Variants in PTCHD1 observed in about 807,000 individuals in gnomAD.
PTCHD1 encodes the protein patched domain containing 1.
A neutral mutation model predicts 34.6 loss-of-function variants in PTCHD1; 3 were observed. The observed-to-expected ratio is 0.09, with a 90% confidence interval of 0.04 to 0.22. The LOEUF is 0.22. Ranked by LOEUF, PTCHD1 falls within the 10% of genes least tolerant of loss-of-function variation. The probability of loss-of-function intolerance (pLI) is 1.00; values close to 1 mark genes in which losing one functional copy is unlikely to be tolerated. For synonymous variants in PTCHD1, 305 were observed against 283.1 expected (o/e 1.08, Z -0.77); for missense variants, 504 against 685.5 (o/e 0.74, Z 2.96).
chrX:23,385,052 T>A (rs1922652280), intron 2 of PTCHD1, among the ~76,000 whole-genome samples: 1 of 112,279 alleles, frequency 8.9e-6, no homozygotes, highest in African/African-American at 3.2e-5. Flanking sequence ...TTATGAGGGT[T>A]TTGTTGTTCA....
intron 1 of PTCHD1, among the ~76,000 whole-genome samples, chrX:23,343,642 T>A (rs1431854914): frequency 9.0e-6 from 1 of 111,392 alleles, no homozygotes; most frequent in East Asian, 2.8e-4. Context: ...ACAGAAAGTA[T>A]TGTTCTAAGA....
At chrX:23,389,756 C>A (rs2146649382) in intron 2 of PTCHD1, among the ~76,000 whole-genome samples, 1 of 111,625 alleles carries the variant, frequency 9.0e-6, no homozygotes, top group Non-Finnish European at 1.9e-5. Flanking sequence ...TTTCCAAAAG[C>A]CCCTCAGAAG....
chrX:23,338,112 G>A (rs1475722160), intron 1 of PTCHD1, among the ~76,000 whole-genome samples: 1 of 111,811 alleles, frequency 8.9e-6, no homozygotes, highest in African/African-American at 3.3e-5. Flanking sequence ...TAGCTTAGAA[G>A]TTGACCCCAC....
intron 1 of PTCHD1, among the ~76,000 whole-genome samples, chrX:23,360,951 G>A (rs1237015454): frequency 1.3e-4 from 15 of 112,026 alleles, no homozygotes; most frequent in African/African-American, 4.9e-4. Flanking sequence ...CCCTGTAGTT[G>A]CGTGGTTTTG....
chrX:23,379,148 A>G (rs1445309914), intron 1 of PTCHD1, among the ~76,000 whole-genome samples: 4 of 112,621 alleles, frequency 3.6e-5, no homozygotes, highest in Non-Finnish European at 5.6e-5. Flanking sequence ...CATTTTCAAC[A>G]GGGACACTGA....
rs753840664 is a variant in PTCHD1, at chrX:23,393,691, G to A, written c.2173G>A (p.Val725Ile). 7.4e-6 allele frequency: 9 copies of A among 1,211,571 alleles called. 1 individual carries two copies. Among genetic ancestry groups the A allele is most frequent in the Non-Finnish European group, 1.0e-5 (9 of 895,300 alleles). ...AFLVADSLIN[V>I]WITLTVVSVE... ...CCTGGTGGCAGATTCACTGATTAAC[G>A]TCTGGATCACTCTCACAGTTGTGTC... is the stretch of plus-strand genomic sequence containing the variant. Residue 725 changes from valine to isoleucine, a missense_variant, in exon 3 of 3, where the codon GTC (valine) becomes ATC (isoleucine). Coordinates refer to ENST00000379361, the MANE Select transcript of PTCHD1 (RefSeq NM_173495.3).
At position 23,379,938 on chromosome X, in the gene PTCHD1, C is replaced by T. The variant is rs1422768399; in HGVS notation, c.699C>T (p.Phe233=). 8.3e-7 allele frequency: 1 copy of T among 1,210,331 alleles called. No individual in the cohort carries two copies. The highest frequency in any genetic ancestry group is 1.7e-5 in the African/African-American group (1 of 57,209). Residue 233 remains phenylalanine (F), a synonymous_variant, in exon 2 of 3, where the codon TTC becomes TTT. Transcript: ENST00000379361. ...TGGCTGAGAGGTGGGAGTCCAGCTT[C>T]TGCGACACTGTCAGACTGTTTCAGA... The part of the protein sequence containing the change: ...DMVAERWESS[F]CDTVRLFQKS...
Position 23,399,470 on chromosome X carries a change from G to A in PTCHD1, c.*5285G>A, listed in dbSNP as rs1923068597. 1 of 111,198 alleles carries A rather than the reference G, an allele frequency of 9.0e-6. No homozygotes were observed. The highest frequency in any genetic ancestry group is 1.9e-5 in the Non-Finnish European group (1 of 53,058). 9.2% of individuals were successfully genotyped at this position (111,198 alleles called of 1,213,427 possible). A position where few individuals can be genotyped will look rare whatever the true frequency, so the allele number is the denominator to read the frequency against. ...GGCTCAGATTCCAAAAGAGGTCTAT[G>A]ACCGAAAAAGGGTGAAGAACCACTG... is the stretch of plus-strand genomic sequence containing the variant. On this transcript the variant is annotated 3_prime_UTR_variant, in exon 3 of 3. Coordinates refer to ENST00000379361, the MANE Select transcript of PTCHD1 (RefSeq NM_173495.3).
At chrX:23,342,290 ATATATATATATATATATATAT>A (rs1225985763) in intron 1 of PTCHD1, among the ~76,000 whole-genome samples, 2 of 5,992 alleles carry the variant, frequency 3.3e-4, no homozygotes, top group Non-Finnish European at 4.1e-4. Context: ...ATATATATAT[ATATATATATATATATATATAT>A]TTTTTTTTTT....
At chrX:23,382,924 C>T (rs1437168354) in intron 2 of PTCHD1, among the ~76,000 whole-genome samples, 1 of 112,124 alleles carries the variant, frequency 8.9e-6, no homozygotes, top group Non-Finnish European at 1.9e-5. Context: ...TTAGGATGGT[C>T]GCCCTCCTGT....
chrX:23,392,977 C>T lies in PTCHD1; in HGVS notation c.1459C>T (p.Leu487Phe), dbSNP rs778023702. 4 of 1,211,636 alleles carry T rather than the reference C, an allele frequency of 3.3e-6. No individual in the cohort carries two copies. The highest frequency in any genetic ancestry group is 3.4e-6 in the Non-Finnish European group (3 of 895,127). The change falls in exon 3 of 3, where the codon CTC (leucine) becomes TTC (phenylalanine). Residue 487 changes from leucine (L) to phenylalanine (F), a missense_variant. Leu to Phe is a conservative substitution (Grantham distance 22). Coordinates refer to ENST00000379361, the MANE Select transcript of PTCHD1 (RefSeq NM_173495.3). ...TYESHLLVCFLKRYYCDWITN... is the reference protein window; with the variant it reads ...TYESHLLVCFFKRYYCDWITN... Reference sequence around the variant, plus strand: ...CGAGAGTCACCTATTGGTATGTTTCCTCAAACGCTATTACTGTGACTGGAT... The same window carrying T: ...CGAGAGTCACCTATTGGTATGTTTCTTCAAACGCTATTACTGTGACTGGAT...
At chrX:23,376,238 T>C (rs1355418934) in intron 1 of PTCHD1, among the ~76,000 whole-genome samples, 3 of 112,648 alleles carry the variant, frequency 2.7e-5, no homozygotes, top group Non-Finnish European at 5.6e-5. Flanking sequence ...ACATGGATTA[T>C]ATGTTATTTC....
intron 2 of PTCHD1, among the ~76,000 whole-genome samples, chrX:23,383,342 T>C (rs1013758575): frequency 8.9e-6 from 1 of 112,186 alleles, no homozygotes; most frequent in African/African-American, 3.2e-5. Context: ...ATTATAGATT[T>C]AAAATTCAAC....
At chrX:23,342,498 G>T (rs762796187) in intron 1 of PTCHD1, among the ~76,000 whole-genome samples, 1 of 106,280 alleles carries the variant, frequency 9.4e-6, no homozygotes, top group Non-Finnish European at 2.0e-5. Context: ...CGTTTCTAGG[G>T]AATGGATATT....
At chrX:23,391,061 A>C (rs146757915) in intron 2 of PTCHD1, among the ~76,000 whole-genome samples, 1,792 of 111,776 alleles carry the variant, frequency 0.016, 34 homozygotes, top group African/African-American at 0.055. Flanking sequence ...AGTGGCCTGG[A>C]AACACAGGGA....
chrX:23,388,918 C>T (rs1033851385), intron 2 of PTCHD1, among the ~76,000 whole-genome samples: 1 of 111,892 alleles, frequency 8.9e-6, no homozygotes, highest in African/African-American at 3.3e-5. Flanking sequence ...CAGAACCTAC[C>T]AAAATCTATC....
In PTCHD1 at chrX:23,393,895, G is replaced by A. The variant is rs1225913327; in HGVS notation, c.2377G>A (p.Val793Met). The A allele has an allele frequency of 8.3e-7, 1 of 1,211,645 alleles. No homozygotes were observed. The highest frequency in any genetic ancestry group is 2.2e-5 in the Admixed American group (1 of 46,042). The change falls in exon 3 of 3, where the codon GTG (valine) becomes ATG (methionine). Residue 793 changes from valine to methionine, a missense_variant. Val to Met is a conservative substitution (Grantham distance 21). Coordinates refer to ENST00000379361, the MANE Select transcript of PTCHD1 (RefSeq NM_173495.3). ...RTKWVKNALEVHGVAILQSYL... is the reference protein window; with the variant it reads ...RTKWVKNALEMHGVAILQSYL... ...TAAATGGGTAAAAAATGCCCTGGAAGTGCATGGGGTAGCTATTTTACAGAG... is the reference window on the plus strand; with the variant it reads ...TAAATGGGTAAAAAATGCCCTGGAAATGCATGGGGTAGCTATTTTACAGAG...
intron 1 of PTCHD1, among the ~76,000 whole-genome samples, chrX:23,359,727 A>C (rs1921916259): frequency 8.9e-6 from 1 of 112,043 alleles, no homozygotes; most frequent in African/African-American, 3.3e-5. Context: ...GTCTTGTGCC[A>C]GTTTTCAAAG....
intron 2 of PTCHD1, among the ~76,000 whole-genome samples, chrX:23,383,327 T>C (rs959496741): frequency 3.6e-5 from 4 of 112,168 alleles, no homozygotes. Context: ...TATACTGTGA[T>C]AAACATTATA....
Sources: gnomAD v4.1 joint callset for allele counts (sites outside exome capture counted in the v4.1 genomes callset) on GRCh38, gnomAD v4.1.1 for gene constraint, MANE v1.5 for transcripts, NCBI Gene and HGNC (gene_info 2026-07-23, HGNC 2026-07-21) for gene names.